COL22A1: variants seen among roughly 807,000 people sequenced by gnomAD.
The protein encoded by COL22A1 is collagen type XXII alpha 1 chain.
Under a neutral mutation model 248.9 loss-of-function variants are expected in COL22A1, and 221 were observed. The observed-to-expected ratio is 0.89, with a 90% CI of 0.80 to 0.99. The LOEUF is 0.99. COL22A1 is among the 50% of genes least tolerant of loss of function. The probability of loss-of-function intolerance (pLI) is 0.00; values close to 1 mark genes in which losing one functional copy is unlikely to be tolerated. For synonymous variants in COL22A1, 891 were observed against 793.4 expected (o/e 1.12, Z -2.07); for missense variants, 2,240 against 2,179.0 (o/e 1.03, Z -0.56).
intron 1 of COL22A1, among the ~76,000 whole-genome samples, chr8:138,894,044 A>G (rs1356100145): frequency 6.6e-6 from 1 of 152,228 alleles, no homozygotes; most frequent in Admixed American, 6.5e-5. Context: ...GAATGAGCCA[A>G]GGAGCACAGT....
At chr8:138,703,184 A>C in intron 31 of COL22A1, 122 bp downstream of exon 31, 1 of 838,164 alleles carries the variant, frequency 1.2e-6, no homozygotes, top group Non-Finnish European at 2.0e-6. Flanking sequence ...GAATAGGCCT[A>C]GCTATTGGCA....
intron 39 of COL22A1, among the ~76,000 whole-genome samples, chr8:138,682,642 A>G (rs377365274): frequency 2.0e-5 from 3 of 152,050 alleles, no homozygotes; most frequent in African/African-American, 7.2e-5. Context: ...TCCCCTGCCA[A>G]TGACTCCTTC....
intron 18 of COL22A1, among the ~76,000 whole-genome samples, chr8:138,757,129 C>A (rs1199989896): frequency 6.6e-6 from 1 of 152,190 alleles, no homozygotes; most frequent in Non-Finnish European, 1.5e-5. Flanking sequence ...GCAGGCACTT[C>A]CAGGACATGA....
At chr8:138,800,174 T>C (rs1816877648) in intron 11 of COL22A1, among the ~76,000 whole-genome samples, 1 of 152,194 alleles carries the variant, frequency 6.6e-6, no homozygotes, top group African/African-American at 2.4e-5. Context: ...CAGTAGCCTC[T>C]GCTTTTCTCA....
intron 22 of COL22A1, among the ~76,000 whole-genome samples, chr8:138,742,781 A>T (rs913253386): frequency 3.3e-5 from 5 of 150,708 alleles, no homozygotes; most frequent in Admixed American, 6.6e-5. Context: ...AGTGATTGTG[A>T]TGGTGATGGT....
Position 138,724,985 on chromosome 8 carries a change from C to T in COL22A1, c.2194-317G>A, listed in dbSNP as rs2131167222. On this transcript the variant is annotated intron_variant, in intron 24 of 64. Coordinates refer to ENST00000303045, the MANE Select transcript of COL22A1 (RefSeq NM_152888.3). ...TGGGTGTGGATTCTCCCCACTCCCC[C>T]ATGCCCACTTTCAGGACACTTTTTC... 1.3e-5 allele frequency among the ~76,000 whole-genome samples: 2 copies of T among 152,344 alleles called. 1 individual carries two copies. Among genetic ancestry groups the T allele is most frequent in the South Asian group, 4.1e-4 (2 of 4,832 alleles).
At chr8:138,686,189 C>A (rs1238212241) in intron 37 of COL22A1, among the ~76,000 whole-genome samples, 2 of 152,192 alleles carry the variant, frequency 1.3e-5, no homozygotes, top group African/African-American at 4.8e-5. Context: ...CCTAAAGCTG[C>A]AATGGAGAGA....
At chr8:138,701,626 G>A (rs1376517039) in intron 31 of COL22A1, among the ~76,000 whole-genome samples, 1 of 152,154 alleles carries the variant, frequency 6.6e-6, no homozygotes, top group Non-Finnish European at 1.5e-5. Flanking sequence ...ATTACTTACA[G>A]CCATTGAGAG....
intron 45 of COL22A1, among the ~76,000 whole-genome samples, chr8:138,653,175 C>T (rs1822917110): frequency 6.6e-6 from 1 of 152,144 alleles, no homozygotes; most frequent in Admixed American, 6.5e-5. Context: ...ACAGTCATTG[C>T]TTCCCAGGAG....
chr8:138,775,898 T>C, intron 16 of COL22A1, 68 bp downstream of exon 16: 1 of 1,424,020 alleles, frequency 7.0e-7, no homozygotes, highest in East Asian at 2.3e-5. Flanking sequence ...ACAGAGCAGA[T>C]GGTTCCATGC....
At chr8:138,648,727 T>A (rs893337821) in intron 46 of COL22A1, among the ~76,000 whole-genome samples, 1 of 152,134 alleles carries the variant, frequency 6.6e-6, no homozygotes, top group African/African-American at 2.4e-5. Flanking sequence ...CAACACTATC[T>A]TCTTACATAA....
chr8:138,627,079 C>T (rs1034606325), intron 50 of COL22A1, among the ~76,000 whole-genome samples: 3 of 152,114 alleles, frequency 2.0e-5, no homozygotes, highest in African/African-American at 7.2e-5. Flanking sequence ...AAGGTTTAGG[C>T]AATGCGCAAT....
At chr8:138,796,389 C>CTTTTTTTTTTTTTTTTTTTTTT (rs11284610) in intron 12 of COL22A1, among the ~76,000 whole-genome samples, 10 of 26,316 alleles carry the variant, frequency 3.8e-4, no homozygotes, top group East Asian at 9.8e-4. Flanking sequence ...TGCTACTTTC[C>CTTTTTTTTTTTTTTTTTTTTTT]TTTTTTTTTT....
chr8:138,757,837 CACA>C lies in COL22A1; in HGVS notation c.1903-2011_1903-2009del, dbSNP rs1440872270. ...CAATTTCTTCCCACAATATGGGTGACACATTTTTGTAAAGATCAGTTGTGGCCA... is the reference window on the plus strand; with the variant it reads ...CAATTTCTTCCCACAATATGGGTGACTTTTTGTAAAGATCAGTTGTGGCCA... On this transcript the variant is annotated intron_variant, in intron 18 of 64. Coordinates refer to ENST00000303045, the MANE Select transcript of COL22A1 (RefSeq NM_152888.3). Among the ~76,000 whole-genome samples, 4 of 152,238 alleles carry C rather than the reference CACA, an allele frequency of 2.6e-5. No individual in the cohort carries two copies. In the East Asian group the frequency reaches 7.7e-4, roughly 29 times the overall value.
At chr8:138,618,561 T>G (rs1252161248) in intron 53 of COL22A1, among the ~76,000 whole-genome samples, 3 of 152,188 alleles carry the variant, frequency 2.0e-5, no homozygotes, top group Non-Finnish European at 4.4e-5. Flanking sequence ...TGTTTTCTGG[T>G]GCAATCATGT....
intron 7 of COL22A1, among the ~76,000 whole-genome samples, chr8:138,816,355 G>C (rs1055288985): frequency 2.0e-5 from 3 of 152,152 alleles, no homozygotes; most frequent in African/African-American, 7.2e-5. Context: ...CACACCCTGG[G>C]ATTTCACCTC....
intron 50 of COL22A1, among the ~76,000 whole-genome samples, chr8:138,627,388 T>A (rs2131979459): frequency 6.6e-6 from 1 of 152,364 alleles, no homozygotes; most frequent in East Asian, 1.9e-4. Flanking sequence ...GCATGTTGTC[T>A]ATGGCTGATT....
chr8:138,813,084 T>G (rs1818377779), intron 7 of COL22A1, 65 bp from the exon 8 acceptor site: 1 of 1,263,656 alleles, frequency 7.9e-7, no homozygotes, highest in African/African-American at 1.5e-5. Context: ...ACCTCCGTGG[T>G]TTCACACAGG....
chr8:138,696,194 C>G (rs910623052), intron 32 of COL22A1, among the ~76,000 whole-genome samples: 8 of 152,140 alleles, frequency 5.3e-5, no homozygotes, highest in African/African-American at 1.9e-4. Context: ...CACGTGTACC[C>G]AGAAAGGCAG....
Sources: allele counts gnomAD v4.1 joint callset (sites outside exome capture counted in the v4.1 genomes callset), GRCh38; gene constraint gnomAD v4.1.1; transcripts MANE v1.5; gene names NCBI Gene and HGNC (gene_info 2026-07-23, HGNC 2026-07-21).